Variants in MINAR1 observed in about 807,000 individuals in gnomAD.
The protein encoded by MINAR1 is membrane integral NOTCH2 associated receptor 1.
A neutral mutation model predicts 65.1 loss-of-function variants in MINAR1; 40 were observed. The ratio of observed to expected loss-of-function variants is 0.61; its 90% CI spans 0.48 to 0.80. The LOEUF is 0.80. Ranked by LOEUF, MINAR1 falls within the 30% of genes least tolerant of loss-of-function variation. The probability of loss-of-function intolerance (pLI) is 0.00; values close to 1 mark genes in which losing one functional copy is unlikely to be tolerated. For missense variants in MINAR1, 1,128 were observed against 1,148.0 expected (o/e 0.98, Z 0.25); for synonymous variants, 482 against 449.1 (o/e 1.07, Z -0.93).
chr15:79,414,800 G>T, the MINAR1 span: 1 of 152,234 alleles, frequency 6.6e-6, no homozygotes, highest in African/African-American at 2.4e-5. Context: ...TCAAATTGGG[G>T]TGGGATGGGG....
At chr15:79,422,125 G>C in the MINAR1 span, 1 of 152,172 alleles carries the variant, frequency 6.6e-6, no homozygotes, top group Non-Finnish European at 1.5e-5. Flanking sequence ...ACAGAGAGGG[G>C]GTCTGCCAAC....
rs1896093979 is a variant in MINAR1 at position 79,471,754 on chromosome 15, C to T, written c.*3370C>T. 1 of 151,674 alleles carries T rather than the reference C, an allele frequency of 6.6e-6. No individual in the cohort carries two copies. Among genetic ancestry groups the T allele is most frequent in the South Asian group, 2.1e-4 (1 of 4,794 alleles). 9.4% of individuals were successfully genotyped at this position (151,674 alleles called of 1,614,324 possible). A position where few individuals can be genotyped will look rare whatever the true frequency, so the allele number is the denominator to read the frequency against. Reference sequence around the variant, plus strand: ...ATAGAAAAAAACAGAAGAAGCTCTGCCAACAATAAAAGATTTTGTTAAGTG... The same window carrying T: ...ATAGAAAAAAACAGAAGAAGCTCTGTCAACAATAAAAGATTTTGTTAAGTG... On this transcript the variant is annotated 3_prime_UTR_variant, in exon 4 of 4. Transcript: ENST00000305428.
the MINAR1 span, chr15:79,412,238 T>A: frequency 6.6e-6 from 1 of 152,172 alleles, no homozygotes; most frequent in East Asian, 1.9e-4. Flanking sequence ...CTGGTGCACA[T>A]GTGAGCAGGC....
the MINAR1 span, chr15:79,426,291 T>C: frequency 1.3e-5 from 2 of 152,130 alleles, no homozygotes; most frequent in South Asian, 4.1e-4. Flanking sequence ...CCACTACCAC[T>C]AGGGGTGGGA....
At chr15:79,444,670 T>A (rs1894960251) in intron 1 of MINAR1, among the ~76,000 whole-genome samples, 1 of 152,142 alleles carries the variant, frequency 6.6e-6, no homozygotes, top group Non-Finnish European at 1.5e-5. Flanking sequence ...TTACTATGAT[T>A]AGTTTTTTGA....
In MINAR1 at chr15:79,457,213, G is replaced by A; in HGVS notation, c.1066G>A (p.Gly356Arg). The A allele has an allele frequency of 6.2e-7, 1 of 1,614,042 alleles. No homozygotes were observed. The highest frequency in any genetic ancestry group is 8.5e-7 in the Non-Finnish European group (1 of 1,179,964). ...AACCCAAGAAGCCAGGCGCTGTCTA[G>A]GGAAGCCCAACAAGCAGACTCCCTG... ...MGTQEARRCLGKPNKQTPWPA... is the reference protein window; with the variant it reads ...MGTQEARRCLRKPNKQTPWPA... Residue 356 changes from glycine to arginine, a missense_variant, in exon 2 of 4, where the codon GGG (glycine) becomes AGG (arginine). Gly to Arg is a moderately radical substitution (Grantham distance 125). Transcript: ENST00000305428.
rs1436096852 is a variant in MINAR1, at chr15:79,457,281, C to A, written c.1134C>A (p.Asp378Glu). The A allele has an allele frequency of 1.2e-6, 2 of 1,614,230 alleles. No homozygotes were observed. Among genetic ancestry groups the A allele is most frequent in the Non-Finnish European group, 8.5e-7 (1 of 1,180,048 alleles). ...SWSLNTEEVPDFERSFFNRNP... is the reference protein window; with the variant it reads ...SWSLNTEEVPEFERSFFNRNP... Reference sequence around the variant, plus strand: ...GCCTAAACACAGAGGAAGTTCCTGACTTTGAACGGTCCTTTTTCAATAGAA... The same window carrying A: ...GCCTAAACACAGAGGAAGTTCCTGAATTTGAACGGTCCTTTTTCAATAGAA... The change falls in exon 2 of 4, where the codon GAC (aspartate) becomes GAA (glutamate). Residue 378 changes from aspartate to glutamate, a missense_variant. Physicochemically the swap from Asp to Glu is conservative, Grantham distance 45. Transcript: ENST00000305428.
chr15:79,431,212 T>A (rs1894427994), upstream of MINAR1, among the ~76,000 whole-genome samples: 1 of 152,142 alleles, frequency 6.6e-6, no homozygotes, highest in Admixed American at 6.5e-5. Flanking sequence ...GGGGTGTTGC[T>A]TTCCTTTTGA....
chr15:79,446,512 A>C (rs1895023635), intron 1 of MINAR1, among the ~76,000 whole-genome samples: 1 of 151,952 alleles, frequency 6.6e-6, no homozygotes, highest in South Asian at 2.1e-4. Context: ...TCAGTATTTT[A>C]ATGATTTTAT....
At chr15:79,420,396 TA>T in the MINAR1 span, 1 of 152,228 alleles carries the variant, frequency 6.6e-6, no homozygotes, top group Non-Finnish European at 1.5e-5. Flanking sequence ...TCAATACTTT[TA>T]TACAGTAAAA....
In MINAR1 at chr15:79,457,740, T is replaced by C. The variant is rs1895485951; in HGVS notation, c.1593T>C (p.Ser531=). The part of the protein sequence containing the change: ...IFRFLDDMSI[S]GSTGVIQSSC... ...GATTTCTTGATGACATGAGCATCAG[T>C]GGCTCCACGGGAGTGATACAGTCGT... Residue 531 remains serine, a synonymous_variant, in exon 2 of 4, where the codon AGT becomes AGC. Transcript: ENST00000305428. The C allele has an allele frequency of 1.2e-6, 2 of 1,614,080 alleles. No homozygotes were observed. The highest frequency in any genetic ancestry group is 2.2e-5 in the South Asian group (2 of 91,084).
intron 1 of MINAR1, among the ~76,000 whole-genome samples, chr15:79,452,384 C>G (rs1317860296): frequency 6.6e-6 from 1 of 150,712 alleles, no homozygotes; most frequent in Non-Finnish European, 1.5e-5. Flanking sequence ...GTCCCTGAGT[C>G]TGCATGACTG....
intron 1 of MINAR1, among the ~76,000 whole-genome samples, chr15:79,449,042 C>T (rs1407443912): frequency 2.6e-5 from 4 of 152,114 alleles, no homozygotes; most frequent in African/African-American, 7.2e-5. Flanking sequence ...GAACAAGGTG[C>T]CACAGGGTAA....
chr15:79,469,559 GTCTATCTA>G lies in MINAR1; in HGVS notation c.*1184_*1191del, dbSNP rs541210818. 6.6e-6 allele frequency: 1 copy of G among 151,868 alleles called. No individual in the cohort carries two copies. Among genetic ancestry groups the G allele is most frequent in the East Asian group, 1.9e-4 (1 of 5,182 alleles). 9.4% of individuals were successfully genotyped at this position (151,868 alleles called of 1,614,324 possible). A position where few individuals can be genotyped will look rare whatever the true frequency, so the allele number is the denominator to read the frequency against. On this transcript the variant is annotated 3_prime_UTR_variant, in exon 4 of 4. Transcript: ENST00000305428. ...TATATGTCTATCTATCTATCTATAT[GTCTATCTA>G]TCTATCTAAATACTTGATTTTTATT... is the stretch of plus-strand genomic sequence containing the variant.
intron 1 of MINAR1, among the ~76,000 whole-genome samples, chr15:79,441,687 A>G (rs1401801239): frequency 6.6e-6 from 1 of 152,028 alleles, no homozygotes; most frequent in Non-Finnish European, 1.5e-5. Flanking sequence ...GGGAGTGCCT[A>G]TTTTCCCTCA....
intron 1 of MINAR1, among the ~76,000 whole-genome samples, chr15:79,452,626 GTC>G (rs1895256277): frequency 1.2e-5 from 1 of 86,022 alleles, no homozygotes. Flanking sequence ...GTCTGGATGA[GTC>G]TGTGTGTGTG....
At chr15:79,435,978 G>A (rs191223388) in intron 1 of MINAR1, among the ~76,000 whole-genome samples, 15 of 152,320 alleles carry the variant, frequency 9.8e-5, no homozygotes, top group Admixed American at 2.6e-4. Context: ...CATGTGACTT[G>A]TTTGGCCAGA....
chr15:79,435,732 C>G (rs1894581994), intron 1 of MINAR1, among the ~76,000 whole-genome samples: 1 of 152,204 alleles, frequency 6.6e-6, no homozygotes, highest in East Asian at 1.9e-4. Context: ...CTTAGGAGAG[C>G]AGGGACTTTG....
rs116686892 is a variant in MINAR1, at chr15:79,461,817, C to T, written c.2299-1250C>T. Among the ~76,000 whole-genome samples the T allele has an allele frequency of 7.5e-3, 1,146 of 151,876 alleles. 12 individuals are homozygous for T. The highest frequency in any genetic ancestry group is 0.026 in the African/African-American group (1,059 of 41,350). On this transcript the variant is annotated intron_variant, in intron 2 of 3. Coordinates refer to ENST00000305428, the MANE Select transcript of MINAR1 (RefSeq NM_015206.3). ...TCCAACCCCTATGCAAGCATCTGAT[C>T]CACGTACACACATACAAGTGTGCTT... is the stretch of plus-strand genomic sequence containing the variant.
Sources: allele counts gnomAD v4.1 joint callset (sites outside exome capture counted in the v4.1 genomes callset), GRCh38; gene constraint gnomAD v4.1.1; transcripts MANE v1.5; gene names NCBI Gene and HGNC (gene_info 2026-07-23, HGNC 2026-07-21).